Variants in OLFM3 observed in about 807,000 individuals in gnomAD.
The protein encoded by OLFM3 is noelin-3.
In OLFM3, 20 loss-of-function variants were observed where a neutral mutation model predicts 48.6. That is an observed-to-expected ratio of 0.41 (90% CI 0.29 to 0.60). The LOEUF (loss-of-function observed/expected upper bound fraction) is 0.60. OLFM3 is among the 20% of genes least tolerant of loss of function. The probability of loss-of-function intolerance (pLI) is 0.28; values close to 1 mark genes in which losing one functional copy is unlikely to be tolerated. For missense variants in OLFM3, 437 were observed against 544.3 expected (o/e 0.80, Z 1.96); for synonymous variants, 222 against 198.1 (o/e 1.12, Z -1.01).
intron 1 of OLFM3, among the ~76,000 whole-genome samples, chr1:101,980,434 T>C (rs1018284051): frequency 2.6e-5 from 4 of 152,082 alleles, no homozygotes; most frequent in African/African-American, 7.2e-5. Flanking sequence ...TCCATGGTGT[T>C]TTCATGATAG....
intron 1 of OLFM3, among the ~76,000 whole-genome samples, chr1:101,872,961 G>T (rs908652663): frequency 6.6e-6 from 1 of 151,906 alleles, no homozygotes; most frequent in African/African-American, 2.4e-5. Context: ...TTAATTACAT[G>T]ATTGTAGGAC....
chr1:101,940,700 T>A (rs544215242), intron 1 of OLFM3, among the ~76,000 whole-genome samples: 63 of 148,902 alleles, frequency 4.2e-4, no homozygotes, highest in Admixed American at 3.0e-3. Context: ...ATATCCAGTT[T>A]TATATATATA....
intron 1 of OLFM3, among the ~76,000 whole-genome samples, chr1:101,849,446 G>T (rs1320100708): frequency 6.6e-6 from 1 of 152,174 alleles, no homozygotes; most frequent in East Asian, 1.9e-4. Flanking sequence ...GGAAATGCTG[G>T]CTGTGACCAG....
intron 1 of OLFM3, among the ~76,000 whole-genome samples, chr1:101,938,394 C>G (rs768916957): frequency 2.7e-4 from 41 of 152,198 alleles, no homozygotes; most frequent in Admixed American, 1.3e-4. Flanking sequence ...CCAAGTTTTT[C>G]TAGTCCCCTG....
chr1:101,814,674 C>T (rs916167947), intron 4 of OLFM3, among the ~76,000 whole-genome samples: 3 of 152,132 alleles, frequency 2.0e-5, no homozygotes, highest in Admixed American at 6.5e-5. Context: ...GTTAAAGAGT[C>T]GGCCTGGATT....
At chr1:101,828,321 T>G (rs1470017151) in intron 3 of OLFM3, among the ~76,000 whole-genome samples, 3 of 152,178 alleles carry the variant, frequency 2.0e-5, no homozygotes, top group Non-Finnish European at 2.9e-5. Flanking sequence ...GTTGCGAGCA[T>G]TATACAGTTA....
intron 1 of OLFM3, among the ~76,000 whole-genome samples, chr1:101,889,821 G>A (rs1366611795): frequency 6.6e-6 from 1 of 151,758 alleles, no homozygotes; most frequent in Non-Finnish European, 1.5e-5. Flanking sequence ...ACATATATTT[G>A]CCATATTTAA....
At chr1:101,896,752 G>A (rs1658222802) in intron 1 of OLFM3, among the ~76,000 whole-genome samples, 2 of 148,254 alleles carry the variant, frequency 1.3e-5, no homozygotes, top group South Asian at 2.1e-4. Flanking sequence ...CGCCCGCCTC[G>A]GCCTCCTGCT....
intron 1 of OLFM3, among the ~76,000 whole-genome samples, chr1:101,966,901 TA>T (rs1303508677): frequency 6.6e-6 from 1 of 152,174 alleles, no homozygotes; most frequent in Non-Finnish European, 1.5e-5. Context: ...AATTCAGATA[TA>T]AAAAAATAAG....
intron 1 of OLFM3, among the ~76,000 whole-genome samples, chr1:101,943,084 G>T (rs143368759): frequency 6.6e-6 from 1 of 152,168 alleles, no homozygotes; most frequent in Non-Finnish European, 1.5e-5. Context: ...AACTTGGCTA[G>T]GGTATAGCCT....
chr1:101,904,687 CAA>C (rs1658496978), intron 1 of OLFM3, among the ~76,000 whole-genome samples: 1 of 152,038 alleles, frequency 6.6e-6, no homozygotes, highest in African/African-American at 2.4e-5. Context: ...GACTGTTTTC[CAA>C]AGAGATTTTC....
Position 101,820,230 on chromosome 1 carries a change from C to T in OLFM3, c.592+4796G>A, listed in dbSNP as rs116348385. On this transcript the variant is annotated intron_variant, in intron 4 of 5. Transcript: ENST00000370103. ...AGTTTCTAATCTTCCTTCTGTTAAA[C>T]ATGAAGTCCCAAAGCTGTGTAATAG... Among the ~76,000 whole-genome samples the T allele has an allele frequency of 8.2e-3, 1,249 of 152,222 alleles. 23 individuals carry two copies. The highest frequency in any genetic ancestry group is 0.029 in the African/African-American group (1,204 of 41,548).
rs190297006 is a variant in OLFM3 at position 101,821,563 on chromosome 1, C to A, written c.592+3463G>T. On this transcript the variant is annotated intron_variant, in intron 4 of 5. Transcript: ENST00000370103. ...CAGCGGATAAAATATCCTCTTTGCT[C>A]AGGAGATGCTCAATAAGTGGTTAAT... Among the ~76,000 whole-genome samples the A allele has an allele frequency of 3.3e-3, 499 of 152,088 alleles. 2 individuals are homozygous for A. The highest frequency in any genetic ancestry group is 5.8e-3 in the Non-Finnish European group (394 of 67,940).
chr1:101,903,802 G>C (rs2101020888), intron 1 of OLFM3, among the ~76,000 whole-genome samples: 1 of 151,974 alleles, frequency 6.6e-6, no homozygotes, highest in African/African-American at 2.4e-5. Context: ...AAAACATTGT[G>C]ATATTTTAAG....
chr1:101,813,213 G>T, intron 4 of OLFM3: 1 of 540,010 alleles, frequency 1.9e-6, no homozygotes, highest in Non-Finnish European at 3.0e-6. Context: ...AAAGGACATA[G>T]CAATGAGTGC....
intron 1 of OLFM3, among the ~76,000 whole-genome samples, chr1:101,839,215 T>A (rs1655588984): frequency 6.6e-6 from 1 of 152,348 alleles, no homozygotes; most frequent in East Asian, 1.9e-4. Flanking sequence ...TCAGACTCGT[T>A]AACATTCTCC....
At chr1:101,822,316 C>CA (rs1246811807) in intron 4 of OLFM3, among the ~76,000 whole-genome samples, 1 of 152,046 alleles carries the variant, frequency 6.6e-6, no homozygotes, top group African/African-American at 2.4e-5. Flanking sequence ...GTTGTTCATT[C>CA]AAAAACATAA....
chr1:101,822,043 A>G (rs775635563), intron 4 of OLFM3, among the ~76,000 whole-genome samples: 28 of 152,152 alleles, frequency 1.8e-4, no homozygotes, highest in Non-Finnish European at 2.5e-4. Flanking sequence ...AATATTATGC[A>G]AAGTTCAATA....
chr1:101,989,368 T>G (rs528068715), intron 1 of OLFM3, among the ~76,000 whole-genome samples: 1 of 152,120 alleles, frequency 6.6e-6, no homozygotes, highest in Non-Finnish European at 1.5e-5. Context: ...GCAACATTTT[T>G]GAATGTTGCC....
Sources: allele counts gnomAD v4.1 joint callset (sites outside exome capture counted in the v4.1 genomes callset), GRCh38; gene constraint gnomAD v4.1.1; transcripts MANE v1.5; gene names NCBI Gene and HGNC (gene_info 2026-07-23, HGNC 2026-07-21).